Variants in TEX22 observed in about 807,000 individuals in gnomAD.
TEX22 encodes the protein testis expressed 22, also known as testis-expressed protein 22.
TEX22 carries 16 observed loss-of-function variants against 11.3 expected under a neutral mutation model. That is an observed-to-expected ratio of 1.42 (90% CI 0.96 to 2.15). TEX22 has a LOEUF of 2.15. Among genes scored for constraint, TEX22 ranks in the 30% most tolerant of loss-of-function variants. TEX22 has a pLI of 0.00. For missense variants in TEX22, 220 were observed against 208.6 expected, an observed-to-expected ratio of 1.05 and a Z score of -0.34; for synonymous variants, 97 against 92.3, an observed-to-expected ratio of 1.05 and a Z score of -0.29.
rs912194432 is a variant in TEX22 at position 105,411,943 on chromosome 14, A to G, written c.*110A>G. Reference sequence around the variant, plus strand: ...CCCACCAGGGGGTCACCACCCACCCATGTTAGGAAAACAGGCCAGGCAGGA... The same window carrying G: ...CCCACCAGGGGGTCACCACCCACCCGTGTTAGGAAAACAGGCCAGGCAGGA... On this transcript the variant is annotated 3_prime_UTR_variant, in exon 4 of 4. Coordinates refer to ENST00000451127, the MANE Select transcript of TEX22 (RefSeq NM_001195082.2). The G allele has an allele frequency of 8.8e-7, 1 of 1,138,520 alleles. No homozygotes were observed. Among genetic ancestry groups the G allele is most frequent in the African/African-American group, 1.6e-5 (1 of 60,954 alleles). 70.5% of individuals were successfully genotyped at this position (1,138,520 alleles called of 1,614,324 possible).
chr14:105,411,616 C>G lies in TEX22; in HGVS notation c.280-44C>G, dbSNP rs782250205. On this transcript the variant is annotated intron_variant, in intron 3 of 3. Transcript: ENST00000451127. ...CGGCGCTCCCGGGCCCCGCCGTTGT[C>G]CCCTTCCCGCCCCTCGAGGCTCCCT... is the stretch of plus-strand genomic sequence containing the variant. 2.7e-6 allele frequency: 4 copies of G among 1,465,582 alleles called. No individual in the cohort carries two copies. In the African/African-American group the frequency reaches 4.4e-5, roughly 16 times the overall value. The allele number at this position is 1,465,582 out of a possible 1,614,324, so 90.8% of individuals were successfully genotyped here. A position where few individuals can be genotyped will look rare whatever the true frequency, so the allele number is the denominator to read the frequency against.
Position 105,411,908 on chromosome 14 carries a change from T to A in TEX22, c.*75T>A. The A allele has an allele frequency of 7.5e-7, 1 of 1,338,382 alleles. No homozygotes were observed. The highest frequency in any genetic ancestry group is 9.7e-7 in the Non-Finnish European group (1 of 1,030,728). 82.9% of individuals were successfully genotyped at this position (1,338,382 alleles called of 1,614,324 possible). A position where few individuals can be genotyped will look rare whatever the true frequency, so the allele number is the denominator to read the frequency against. On this transcript the variant is annotated 3_prime_UTR_variant, in exon 4 of 4. Transcript: ENST00000451127. Reference sequence around the variant, plus strand: ...CCACGGTGGGGGCAGCCTCTGCGCCTTCTTTGTGCCCCACCAGGGGGTCAC... The same window carrying A: ...CCACGGTGGGGGCAGCCTCTGCGCCATCTTTGTGCCCCACCAGGGGGTCAC...
intron 2 of TEX22, among the ~76,000 whole-genome samples, chr14:105,410,583 A>T (rs1013909555): frequency 6.6e-6 from 1 of 152,160 alleles, no homozygotes; most frequent in Non-Finnish European, 1.5e-5. Flanking sequence ...GAATTGCTGG[A>T]TCCCATGCAA....
At chr14:105,402,772 AAAG>A (rs1375447762) in intron 2 of TEX22, among the ~76,000 whole-genome samples, 3 of 152,044 alleles carry the variant, frequency 2.0e-5, no homozygotes, top group African/African-American at 2.4e-5. Flanking sequence ...AAAAAAAAAA[AAAG>A]AGAAACCTGT....
Position 105,413,567 on chromosome 14 carries a change from G to T in TEX22, c.*1734G>T, listed in dbSNP as rs142310777. The T allele has an allele frequency of 0.014, 2,062 of 152,486 alleles. 22 individuals carry two copies. Among genetic ancestry groups the T allele is most frequent in the Middle Eastern group, 0.097 (29 of 298 alleles). The allele number at this position is 152,486 out of a possible 1,614,324, so 9.4% of individuals were successfully genotyped here. A position where few individuals can be genotyped will look rare whatever the true frequency, so the allele number is the denominator to read the frequency against. On this transcript the variant is annotated 3_prime_UTR_variant, in exon 4 of 4. Coordinates refer to ENST00000451127, the MANE Select transcript of TEX22 (RefSeq NM_001195082.2). The surrounding 1 kb of genome is among the most constrained non-coding windows in gnomAD (Gnocchi z 4.2). ...CGTGGTGGTCCAGGATGCTGGTGAT[G>T]CTGGGATGGTTGCCCTCTCTGCTCC...
At chr14:105,402,424 T>C (rs1246929365) in intron 2 of TEX22, among the ~76,000 whole-genome samples, 1 of 151,180 alleles carries the variant, frequency 6.6e-6, no homozygotes, top group Non-Finnish European at 1.5e-5. Flanking sequence ...AGGATACTAT[T>C]CAACTTAGCA....
In TEX22 at chr14:105,405,646, G is replaced by A. The variant is rs587730661; in HGVS notation, c.151-5722G>A. On this transcript the variant is annotated intron_variant, in intron 2 of 3. Coordinates refer to ENST00000451127, the MANE Select transcript of TEX22 (RefSeq NM_001195082.2). Reference sequence around the variant, plus strand: ...GATTTGGGAATGTGGTTGTGTGGACGCCTGTTGCGTGCAGCCGTGAGCGTG... The same window carrying A: ...GATTTGGGAATGTGGTTGTGTGGACACCTGTTGCGTGCAGCCGTGAGCGTG... 5.3e-5 allele frequency among the ~76,000 whole-genome samples: 8 copies of A among 152,326 alleles called. No individual in the cohort carries two copies. In the East Asian group the frequency reaches 1.3e-3, roughly 26 times the overall value.
intron 2 of TEX22, among the ~76,000 whole-genome samples, chr14:105,400,245 C>G (rs9989145): frequency 0.04 from 6,135 of 152,280 alleles, 405 homozygotes; most frequent in African/African-American, 0.14. Flanking sequence ...GAGCCATGCA[C>G]ACAGGCGTGT....
Position 105,411,691 on chromosome 14 carries a change from C to T in TEX22, c.311C>T (p.Ser104Leu). 1 of 1,531,984 alleles carries T rather than the reference C, an allele frequency of 6.5e-7. No individual in the cohort carries two copies. 94.9% of individuals were successfully genotyped at this position (1,531,984 alleles called of 1,614,324 possible). The stretch of plus-strand genomic sequence containing the variant: ...GTGCAGATGGTAGCCCAGCTGGTGT[C>T]GGAGGACGTGGACAAGGACGTGCTC... ...DVVQMVAQLV[S>L]EDVDKDVLLP... The change falls in exon 4 of 4, where the codon TCG (serine) becomes TTG (leucine). Residue 104 changes from serine (S) to leucine (L), a missense_variant. Coordinates refer to ENST00000451127, the MANE Select transcript of TEX22 (RefSeq NM_001195082.2).
intron 2 of TEX22, among the ~76,000 whole-genome samples, chr14:105,402,363 C>T (rs1434201330): frequency 6.6e-6 from 1 of 152,096 alleles, no homozygotes; most frequent in Admixed American, 6.5e-5. Flanking sequence ...TATGTGATCA[C>T]CATTCACAAC....
intron 2 of TEX22, among the ~76,000 whole-genome samples, chr14:105,407,981 A>G (rs1190689843): frequency 6.6e-6 from 1 of 151,856 alleles, no homozygotes; most frequent in Non-Finnish European, 1.5e-5. Flanking sequence ...TTTGTGGCCA[A>G]TTCATGTGCA....
intron 2 of TEX22, among the ~76,000 whole-genome samples, chr14:105,406,620 T>C (rs587700386): frequency 2.7e-5 from 4 of 150,698 alleles, no homozygotes; most frequent in South Asian, 2.1e-4. Flanking sequence ...AACAAGACCC[T>C]GTATCTTTAA....
chr14:105,410,813 G>A (rs955222841), intron 2 of TEX22, among the ~76,000 whole-genome samples: 1 of 152,196 alleles, frequency 6.6e-6, no homozygotes, highest in African/African-American at 2.4e-5. Flanking sequence ...GACCTCACCT[G>A]CTTCTGGCCT....
At chr14:105,402,530 A>G (rs368241712) in intron 2 of TEX22, among the ~76,000 whole-genome samples, 7,146 of 149,196 alleles carry the variant, frequency 0.048, 398 homozygotes, top group African/African-American at 0.14. Context: ...TGGGGCGGGC[A>G]GATCACAAGG....
intron 2 of TEX22, among the ~76,000 whole-genome samples, chr14:105,409,230 C>T (rs2081675609): frequency 6.6e-6 from 1 of 152,060 alleles, no homozygotes; most frequent in East Asian, 1.9e-4. Context: ...GTTTCCTGGG[C>T]CCCAGCTTGT....
intron 2 of TEX22, among the ~76,000 whole-genome samples, chr14:105,407,363 C>G (rs1490247488): frequency 1.3e-5 from 2 of 151,924 alleles, no homozygotes; most frequent in Admixed American, 1.3e-4. Context: ...CCACCATGCC[C>G]GGCCAGTTTC....
chr14:105,409,357 T>G (rs1332466410), intron 2 of TEX22, among the ~76,000 whole-genome samples: 1 of 152,208 alleles, frequency 6.6e-6, no homozygotes, highest in East Asian at 1.9e-4. Flanking sequence ...TTATTCTGCC[T>G]GTATGCTTGA....
At chr14:105,409,899 C>T (rs1353137224) in intron 2 of TEX22, among the ~76,000 whole-genome samples, 1 of 151,928 alleles carries the variant, frequency 6.6e-6, no homozygotes, top group Non-Finnish European at 1.5e-5. Context: ...CTCAGCCTCC[C>T]CAGTAGCAAG....
chr14:105,402,567 A>T (rs958708944), intron 2 of TEX22, among the ~76,000 whole-genome samples: 9 of 151,856 alleles, frequency 5.9e-5, no homozygotes, highest in Middle Eastern at 3.2e-3. Context: ...ATCCTGGCTA[A>T]CACGGTGAAA....
Sources: gnomAD v4.1 joint callset for allele counts (sites outside exome capture counted in the v4.1 genomes callset) on GRCh38, gnomAD v4.1.1 for gene constraint, Gnocchi (gnomAD v3.1) non-coding constraint, MANE v1.5 for transcripts, NCBI Gene and HGNC (gene_info 2026-07-23, HGNC 2026-07-21) for gene names.